CNKSR3: variants seen among roughly 807,000 people sequenced by gnomAD.
CNKSR3 encodes connector enhancer of kinase suppressor of ras 3.
Under a neutral mutation model 67.7 loss-of-function variants are expected in CNKSR3, and 36 were observed. That is an observed-to-expected ratio of 0.53 (90% CI 0.41 to 0.70). The LOEUF is 0.70. Among genes scored for constraint, CNKSR3 ranks in the 30% least tolerant of loss-of-function variants. The pLI is 0.00. For missense variants in CNKSR3, 630 were observed against 695.2 expected, an observed-to-expected ratio of 0.91 and a Z score of 1.05; for synonymous variants, 281 against 271.4, an observed-to-expected ratio of 1.04 and a Z score of -0.35.
intron 6 of CNKSR3, among the ~76,000 whole-genome samples, 181 bp downstream of exon 6, chr6:154,430,291 T>C (rs898308023): frequency 2.6e-5 from 4 of 152,232 alleles, no homozygotes; most frequent in African/African-American, 9.6e-5. Context: ...TTTTATACTT[T>C]GTGGATAGAA....
In CNKSR3 at chr6:154,462,781, G is replaced by C. The variant is rs77733261; in HGVS notation, c.53-12523C>G. On this transcript the variant is annotated intron_variant, in intron 1 of 12. Coordinates refer to ENST00000607772, the MANE Select transcript of CNKSR3 (RefSeq NM_173515.4). ...GAAGGAGCCCAGCATTCTGTTATTC[G>C]CTGTGCCCTTCACAAGCCTTTCCAA... Among the ~76,000 whole-genome samples, 737 of 152,242 alleles carry C rather than the reference G, an allele frequency of 4.8e-3. 4 individuals carry two copies. The highest frequency in any genetic ancestry group is 0.017 in the African/African-American group (705 of 41,544).
At chr6:154,486,822 A>G (rs1786676548) in intron 1 of CNKSR3, among the ~76,000 whole-genome samples, 1 of 152,088 alleles carries the variant, frequency 6.6e-6, no homozygotes, top group Non-Finnish European at 1.5e-5. Flanking sequence ...ATATTTTTTA[A>G]TTAAAAATTT....
chr6:154,487,133 G>A (rs1360526655), intron 1 of CNKSR3, among the ~76,000 whole-genome samples: 1 of 152,218 alleles, frequency 6.6e-6, no homozygotes, highest in African/African-American at 2.4e-5. Flanking sequence ...CATAAAGGAT[G>A]TGGGATCCAG....
intron 1 of CNKSR3, among the ~76,000 whole-genome samples, chr6:154,457,116 A>G (rs1452456272): frequency 6.6e-6 from 1 of 152,174 alleles, no homozygotes; most frequent in African/African-American, 2.4e-5. Flanking sequence ...CCCAAACATG[A>G]CATGTTGCTA....
At chr6:154,436,023 G>A (rs748169092) in intron 4 of CNKSR3, among the ~76,000 whole-genome samples, 14 of 152,102 alleles carry the variant, frequency 9.2e-5, no homozygotes, top group South Asian at 4.1e-4. Flanking sequence ...GATGGCACGC[G>A]TCAAGCGTGG....
At chr6:154,497,403 A>AAG (rs143796696) in intron 1 of CNKSR3, among the ~76,000 whole-genome samples, 1,849 of 150,554 alleles carry the variant, frequency 0.012, 14 homozygotes, top group African/African-American at 0.025. Flanking sequence ...AAACGAGAGA[A>AAG]AGAGAGAGAG....
intron 1 of CNKSR3, among the ~76,000 whole-genome samples, chr6:154,473,837 T>G (rs1054329356): frequency 5.9e-5 from 9 of 151,844 alleles, no homozygotes; most frequent in Non-Finnish European, 1.2e-4. Context: ...CAGGCTGGAG[T>G]GCAGTGGCAT....
chr6:154,424,242 A>G (rs1785208289), intron 7 of CNKSR3, among the ~76,000 whole-genome samples: 1 of 148,144 alleles, frequency 6.8e-6, no homozygotes. Context: ...AAAAAAAAAA[A>G]AAAAAAGAAA....
At position 154,395,463 on chromosome 6, in the gene CNKSR3, CTT is replaced by C. The variant is rs1301259774; in HGVS notation, c.*10889_*10890del. 1.3e-5 allele frequency: 2 copies of C among 152,154 alleles called. No homozygotes were observed. The highest frequency in any genetic ancestry group is 2.9e-5 in the Non-Finnish European group (2 of 68,028). 9.4% of individuals were successfully genotyped at this position (152,154 alleles called of 1,614,324 possible). On this transcript the variant is annotated 3_prime_UTR_variant, in exon 13 of 13. Coordinates refer to ENST00000607772, the MANE Select transcript of CNKSR3 (RefSeq NM_173515.4). ...TTGAGTATCTCCTGCTACTTGTTAT[CTT>C]TTTGCAGTGCAGGATGTGTGGGGGA...
At chr6:154,425,026 C>T (rs1785228563) in intron 7 of CNKSR3, among the ~76,000 whole-genome samples, 1 of 152,218 alleles carries the variant, frequency 6.6e-6, no homozygotes, top group Non-Finnish European at 1.5e-5. Flanking sequence ...CCCGCCTTGG[C>T]CTCCCAAAGT....
At chr6:154,505,481 T>TTTATTATTA (rs765888649) in intron 1 of CNKSR3, among the ~76,000 whole-genome samples, 1 of 145,280 alleles carries the variant, frequency 6.9e-6, no homozygotes, top group Non-Finnish European at 1.5e-5. Flanking sequence ...ACTACACAAT[T>TTTATTATTA]TTATTATTAT....
At chr6:154,487,878 A>T (rs141998800) in intron 1 of CNKSR3, among the ~76,000 whole-genome samples, 1 of 152,212 alleles carries the variant, frequency 6.6e-6, no homozygotes, top group Non-Finnish European at 1.5e-5. Flanking sequence ...TAATTTGAAC[A>T]AACAGATGCC....
intron 1 of CNKSR3, among the ~76,000 whole-genome samples, chr6:154,498,412 A>G (rs1367723553): frequency 6.6e-6 from 1 of 152,130 alleles, no homozygotes; most frequent in Non-Finnish European, 1.5e-5. Context: ...ATAGAAACCC[A>G]GATTTACAGC....
chr6:154,457,523 C>T (rs368728784), intron 1 of CNKSR3, among the ~76,000 whole-genome samples: 1 of 152,154 alleles, frequency 6.6e-6, no homozygotes, highest in Admixed American at 6.5e-5. Flanking sequence ...AGTTCGAGAA[C>T]AGCCTGGCCA....
intron 4 of CNKSR3, among the ~76,000 whole-genome samples, chr6:154,440,156 G>A (rs900042374): frequency 6.6e-6 from 1 of 152,168 alleles, no homozygotes; most frequent in Admixed American, 6.5e-5. Context: ...AAAACTCCAT[G>A]TGCCTTGAGA....
At chr6:154,464,792 T>G (rs915182686) in intron 1 of CNKSR3, among the ~76,000 whole-genome samples, 3 of 150,926 alleles carry the variant, frequency 2.0e-5, no homozygotes, top group Admixed American at 6.6e-5. Context: ...AGGCCACCAG[T>G]GCGCTCTCAA....
At position 154,450,189 on chromosome 6, in the gene CNKSR3, A is replaced by C. The variant is rs1282512087; in HGVS notation, c.122T>G (p.Leu41Arg). ...EREKINGEQL[L>R]QISHQDLEEL... Reference sequence around the variant, plus strand: ...CTCCAGGTCCTGATGGGAAATCTGCAGCAGCTGCTCGCCGTTGATCTTCTC... The same window carrying C: ...CTCCAGGTCCTGATGGGAAATCTGCCGCAGCTGCTCGCCGTTGATCTTCTC... Residue 41 changes from leucine to arginine, a missense_variant, in exon 2 of 13, where the codon CTG becomes CGG. This residue lies in a region of CNKSR3 where 189 missense variants were observed against 205.0 expected (regional missense o/e 0.92). Coordinates refer to ENST00000607772, the MANE Select transcript of CNKSR3 (RefSeq NM_173515.4). The C allele has an allele frequency of 6.2e-7, 1 of 1,614,192 alleles. No homozygotes were observed. Among genetic ancestry groups the C allele is most frequent in the South Asian group, 1.1e-5 (1 of 91,084 alleles).
At chr6:154,452,467 G>A (rs1475732564) in intron 1 of CNKSR3, among the ~76,000 whole-genome samples, 1 of 152,228 alleles carries the variant, frequency 6.6e-6, no homozygotes, top group African/African-American at 2.4e-5. Context: ...AAATTACTGT[G>A]AAGTTTACCC....
intron 7 of CNKSR3, among the ~76,000 whole-genome samples, chr6:154,424,162 C>T (rs894732229): frequency 4.7e-5 from 7 of 147,512 alleles, no homozygotes; most frequent in African/African-American, 7.5e-5. Flanking sequence ...AACCCAGGAG[C>T]GGAGCTTGCA....
Sources: allele counts gnomAD v4.1 joint callset (sites outside exome capture counted in the v4.1 genomes callset), GRCh38; gene constraint gnomAD v4.1.1; regional missense constraint gnomAD v4.1.1; transcripts MANE v1.5; gene names NCBI Gene and HGNC (gene_info 2026-07-23, HGNC 2026-07-21).